LARP1B: variants seen among roughly 807,000 people sequenced by gnomAD.
LARP1B encodes La ribonucleoprotein 1B, also known as la-related protein 1B.
A neutral mutation model predicts 114.2 loss-of-function variants in LARP1B; 76 were observed. The ratio of observed to expected loss-of-function variants is 0.67; its 90% confidence interval spans 0.55 to 0.81. LARP1B has a LOEUF of 0.81. Among genes scored for constraint, LARP1B ranks in the 30% least tolerant of loss-of-function variants. The pLI, the probability that LARP1B is intolerant of heterozygous loss-of-function variation, is 0.00. For missense variants in LARP1B, 1,014 were observed against 1,075.8 expected, an observed-to-expected ratio of 0.94 and a Z score of 0.80; for synonymous variants, 345 against 348.0, an observed-to-expected ratio of 0.99 and a Z score of 0.10.
At chr4:128,090,132 G>A (rs981108547) in intron 5 of LARP1B, among the ~76,000 whole-genome samples, 4 of 151,538 alleles carry the variant, frequency 2.6e-5, no homozygotes, top group Non-Finnish European at 5.9e-5. Context: ...GAGTGCAGTG[G>A]TGCAATCTTG....
At chr4:128,102,651 A>G (rs1780708942) in intron 8 of LARP1B, among the ~76,000 whole-genome samples, 1 of 152,148 alleles carries the variant, frequency 6.6e-6, no homozygotes, top group African/African-American at 2.4e-5. Flanking sequence ...AGCTTACTGC[A>G]TTCTCGATGT....
rs538478263 is a variant in LARP1B, at chr4:128,110,519, T to TA, written c.988+3207dup. On this transcript the variant is annotated intron_variant, in intron 9 of 19. Coordinates refer to ENST00000326639, the MANE Select transcript of LARP1B (RefSeq NM_018078.4). ...GGTGAAACCCCGTCTCTACTAAAAA[T>TA]ACAAAAAATTAGCCGGGCGTAGTGG... Among the ~76,000 whole-genome samples the TA allele has an allele frequency of 4.4e-3, 652 of 148,404 alleles. 6 individuals are homozygous for TA. Among genetic ancestry groups the TA allele is most frequent in the African/African-American group, 0.015 (622 of 40,282 alleles).
In LARP1B at chr4:128,107,364, C is replaced by A. The variant is rs143754677; in HGVS notation, c.988+51C>A. 5.4e-4 allele frequency: 853 copies of A among 1,591,328 alleles called. 6 individuals are homozygous for A. In the Admixed American group the frequency reaches 0.012, roughly 22 times the overall value. The stretch of plus-strand genomic sequence containing the variant: ...CGATGTAACAGTGGGTTATTTGGTC[C>A]AATTTACTTACTTATTTATTTATTT... On this transcript the variant is annotated intron_variant, in intron 9 of 19. Coordinates refer to ENST00000326639, the MANE Select transcript of LARP1B (RefSeq NM_018078.4).
intron 8 of LARP1B, among the ~76,000 whole-genome samples, chr4:128,100,962 C>T (rs575220036): frequency 1.3e-5 from 2 of 150,854 alleles, no homozygotes; most frequent in East Asian, 4.0e-4. Flanking sequence ...GGATTACAGG[C>T]GCCTGCCACC....
chr4:128,210,814 A>T lies in LARP1B; in HGVS notation c.*761A>T. The T allele has an allele frequency of 4.1e-6, 4 of 983,892 alleles. No homozygotes were observed. The highest frequency in any genetic ancestry group is 4.8e-6 in the Non-Finnish European group (4 of 828,614). The allele number at this position is 983,892 out of a possible 1,614,324, so 60.9% of individuals were successfully genotyped here. ...ATTAGAGGTTTATTTTTATGATTCT[A>T]TATAAACGTGCACGAGTAATTTAAA... On this transcript the variant is annotated 3_prime_UTR_variant, in exon 20 of 20. Coordinates refer to ENST00000326639, the MANE Select transcript of LARP1B (RefSeq NM_018078.4).
chr4:128,081,619 T>C (rs975543539), intron 4 of LARP1B, among the ~76,000 whole-genome samples: 56 of 152,232 alleles, frequency 3.7e-4, no homozygotes, highest in African/African-American at 1.2e-3. Context: ...AGGCCAACTA[T>C]GGGGATTGTA....
In LARP1B at chr4:128,178,542, C is replaced by T. The variant is rs753405850; in HGVS notation, c.1796C>T (p.Thr599Ile). ...CCAGAATCTCCTAGAATTCATCCTA[C>T]AAGAACACCCAAAACACCTCGAACA... The part of the protein sequence containing the change: ...AVPESPRIHP[T>I]RTPKTPRTPR... The change falls in exon 14 of 20, where the codon ACA becomes ATA. Residue 599 changes from threonine (T) to isoleucine (I), a missense_variant. Physicochemically the swap from Thr to Ile is moderately conservative, Grantham distance 89 (BLOSUM62 -1). Transcript: ENST00000326639. 4 of 1,613,958 alleles carry T rather than the reference C, an allele frequency of 2.5e-6. No individual in the cohort carries two copies. The highest frequency in any genetic ancestry group is 1.7e-5 in the Admixed American group (1 of 60,014).
chr4:128,200,816 C>G (rs1231597267), intron 17 of LARP1B, 151 bp downstream of exon 17: 5 of 527,440 alleles, frequency 9.5e-6, no homozygotes, highest in Non-Finnish European at 1.7e-5. Context: ...GAAAGTAGCA[C>G]AATATAACTA....
At chr4:128,138,611 A>G (rs373802005) in intron 11 of LARP1B, among the ~76,000 whole-genome samples, 1 of 152,200 alleles carries the variant, frequency 6.6e-6, no homozygotes, top group Non-Finnish European at 1.5e-5. Flanking sequence ...GCTGTACATA[A>G]GAAATTAGAA....
chr4:128,195,999 A>G (rs967499740), intron 15 of LARP1B, among the ~76,000 whole-genome samples: 82 of 152,124 alleles, frequency 5.4e-4, no homozygotes, highest in Non-Finnish European at 7.8e-4. Context: ...CATGCCTGTA[A>G]TCCCAGCACT....
At chr4:128,166,681 C>G (rs962268644) in intron 12 of LARP1B, among the ~76,000 whole-genome samples, 9 of 151,540 alleles carry the variant, frequency 5.9e-5, no homozygotes, top group African/African-American at 1.2e-4. Flanking sequence ...ACTTATCTAT[C>G]CTACATATCT....
intron 1 of LARP1B, among the ~76,000 whole-genome samples, chr4:128,062,591 A>G (rs1428701896): frequency 1.8e-5 from 1 of 54,770 alleles, no homozygotes; most frequent in Non-Finnish European, 4.1e-5. Context: ...GTTTTGGTAG[A>G]CTTTTTTTTT....
At chr4:128,084,267 G>C (rs1327022425) in intron 5 of LARP1B, among the ~76,000 whole-genome samples, 2 of 152,300 alleles carry the variant, frequency 1.3e-5, no homozygotes, top group African/African-American at 4.8e-5. Flanking sequence ...GGAGGCCAAG[G>C]CAGGCGGCTG....
At chr4:128,167,676 A>G (rs944684412) in intron 12 of LARP1B, among the ~76,000 whole-genome samples, 1 of 151,970 alleles carries the variant, frequency 6.6e-6, no homozygotes, top group African/African-American at 2.4e-5. Context: ...CACACCATTT[A>G]TGTATATTAT....
intron 8 of LARP1B, among the ~76,000 whole-genome samples, chr4:128,099,776 C>T (rs964750025): frequency 6.6e-6 from 1 of 151,860 alleles, no homozygotes; most frequent in African/African-American, 2.4e-5. Flanking sequence ...ATTGTGATTG[C>T]TGGAAAGTAT....
intron 1 of LARP1B, among the ~76,000 whole-genome samples, chr4:128,072,600 A>G (rs181986745): frequency 3.2e-4 from 48 of 151,884 alleles, no homozygotes; most frequent in Non-Finnish European, 5.6e-4. Flanking sequence ...TCTGTTGCCC[A>G]GGCTGGAGTG....
chr4:128,124,606 T>C (rs1788978443), intron 11 of LARP1B, among the ~76,000 whole-genome samples: 1 of 152,222 alleles, frequency 6.6e-6, no homozygotes, highest in Admixed American at 6.5e-5. Flanking sequence ...CAGTGTGACA[T>C]CTAATTTTTA....
At chr4:128,121,037 C>T (rs1432177183) in intron 10 of LARP1B, among the ~76,000 whole-genome samples, 1 of 151,500 alleles carries the variant, frequency 6.6e-6, no homozygotes, top group Non-Finnish European at 1.5e-5. Flanking sequence ...TCTTGAACTC[C>T]TGACCTTGTG....
chr4:128,138,272 G>GT (rs1342606007), intron 11 of LARP1B, among the ~76,000 whole-genome samples: 2 of 152,030 alleles, frequency 1.3e-5, no homozygotes, highest in East Asian at 3.9e-4. Context: ...AGGGGATATA[G>GT]TTACTAACCA....
Sources: allele counts gnomAD v4.1 joint callset (sites outside exome capture counted in the v4.1 genomes callset), GRCh38; gene constraint gnomAD v4.1.1; transcripts MANE v1.5; gene names NCBI Gene and HGNC (gene_info 2026-07-23, HGNC 2026-07-21).